FAT3: variants seen among roughly 807,000 people sequenced by gnomAD.
FAT3 encodes FAT atypical cadherin 3.
In FAT3, 95 loss-of-function variants were observed where a neutral mutation model predicts 310.2. That is an observed-to-expected ratio of 0.31 (90% CI 0.26 to 0.36). FAT3 has a LOEUF of 0.36. FAT3 is among the 10% of genes least tolerant of loss of function. The pLI, the probability that FAT3 is intolerant of heterozygous loss-of-function variation, is 1.00. For synonymous variants in FAT3, 2,314 were observed against 2,192.9 expected, an observed-to-expected ratio of 1.06 and a Z score of -1.54; for missense variants, 5,408 against 5,715.6, an observed-to-expected ratio of 0.95 and a Z score of 1.74.
At chr11:92,362,875 A>G (rs539435985) in intron 2 of FAT3, among the ~76,000 whole-genome samples, 1 of 152,342 alleles carries the variant, frequency 6.6e-6, no homozygotes, top group African/African-American at 2.4e-5. Flanking sequence ...GGTACATTTC[A>G]GTACCAACAG....
chr11:92,331,729 T>C (rs1947928718), intron 1 of FAT3, among the ~76,000 whole-genome samples: 1 of 152,226 alleles, frequency 6.6e-6, no homozygotes, highest in African/African-American at 2.4e-5. Context: ...ATTTTCTTGT[T>C]TTTTAAACGG....
intron 2 of FAT3, among the ~76,000 whole-genome samples, chr11:92,478,381 A>C (rs772549531): frequency 2.0e-5 from 3 of 152,120 alleles, no homozygotes; most frequent in Non-Finnish European, 2.9e-5. Flanking sequence ...TTTAACTTCA[A>C]CATGAAGCTT....
rs1947309531 is a variant in FAT3, at chr11:92,800,535, A to C, written c.7522A>C (p.Asn2508His). The C allele has an allele frequency of 1.2e-6, 2 of 1,613,774 alleles. No homozygotes were observed. The highest frequency in any genetic ancestry group is 1.7e-5 in the Admixed American group (1 of 60,006). ...QSTYVAEVRE[N>H]VAAGTKVIHV... ...CACATACGTAGCTGAGGTGAGAGAGAACGTGGCTGCAGGAACAAAGGTAAT... is the reference window on the plus strand; with the variant it reads ...CACATACGTAGCTGAGGTGAGAGAGCACGTGGCTGCAGGAACAAAGGTAAT... The change falls in exon 10 of 28, where the codon AAC becomes CAC. Residue 2508 changes from asparagine to histidine, a missense_variant. By Grantham distance (68) the Asn-to-His change is moderately conservative. This residue lies in a region of FAT3 where 4,588 missense variants were observed against 4,809.8 expected (regional missense o/e 0.95). Transcript: ENST00000525166.
At chr11:92,592,902 T>C (rs1939508892) in intron 3 of FAT3, among the ~76,000 whole-genome samples, 1 of 152,174 alleles carries the variant, frequency 6.6e-6, no homozygotes, top group Non-Finnish European at 1.5e-5. Context: ...CACATTGTTG[T>C]ACAATCTTCA....
chr11:92,517,569 A>G (rs536562), intron 2 of FAT3, among the ~76,000 whole-genome samples: 3 of 151,974 alleles, frequency 2.0e-5, no homozygotes, highest in Non-Finnish European at 4.4e-5. Flanking sequence ...ATGGGCAAAG[A>G]CTTCATGACT....
intron 3 of FAT3, among the ~76,000 whole-genome samples, chr11:92,616,943 C>T (rs899564911): frequency 8.5e-5 from 13 of 152,092 alleles, no homozygotes; most frequent in Admixed American, 7.9e-4. Flanking sequence ...GTGAATCTGA[C>T]AATTATGTAT....
At chr11:92,250,496 C>A (rs1865095117) in intron 1 of FAT3, among the ~76,000 whole-genome samples, 1 of 152,028 alleles carries the variant, frequency 6.6e-6, no homozygotes, top group Non-Finnish European at 1.5e-5. Context: ...GGTTGGTAGT[C>A]CAGTATTAGC....
At chr11:92,631,755 A>G (rs1470629142) in intron 3 of FAT3, among the ~76,000 whole-genome samples, 1 of 152,186 alleles carries the variant, frequency 6.6e-6, no homozygotes, top group Non-Finnish European at 1.5e-5. Flanking sequence ...TGAGGAAATT[A>G]AAACCTATAA....
chr11:92,405,636 A>G (rs1950121365), intron 2 of FAT3, among the ~76,000 whole-genome samples: 1 of 152,190 alleles, frequency 6.6e-6, no homozygotes, highest in Admixed American at 6.5e-5. Context: ...TTGTGGTCCC[A>G]GCTACTCAGG....
At chr11:92,602,726 C>G (rs868386115) in intron 3 of FAT3, among the ~76,000 whole-genome samples, 12 of 152,216 alleles carry the variant, frequency 7.9e-5, no homozygotes, top group Non-Finnish European at 1.8e-4. Flanking sequence ...TGTTGTTAAA[C>G]AGCTACTGTA....
chr11:92,569,684 A>G (rs1955602412), intron 3 of FAT3, among the ~76,000 whole-genome samples: 1 of 152,190 alleles, frequency 6.6e-6, no homozygotes, highest in Non-Finnish European at 1.5e-5. Flanking sequence ...TAACTTTGCT[A>G]TATATCCCAC....
chr11:92,518,431 C>T (rs1365712488), intron 2 of FAT3, among the ~76,000 whole-genome samples: 1 of 151,894 alleles, frequency 6.6e-6, no homozygotes, highest in South Asian at 2.1e-4. Context: ...AGACCCTGCA[C>T]GTTCTCACTC....
At chr11:92,544,090 C>G (rs1954541091) in intron 3 of FAT3, among the ~76,000 whole-genome samples, 1 of 152,122 alleles carries the variant, frequency 6.6e-6, no homozygotes. Flanking sequence ...TGTGAGATCC[C>G]TGTAGTCAGC....
chr11:92,509,058 A>G (rs987526305), intron 2 of FAT3, among the ~76,000 whole-genome samples: 1 of 152,172 alleles, frequency 6.6e-6, no homozygotes, highest in Non-Finnish European at 1.5e-5. Flanking sequence ...ATGATGTTTT[A>G]TCTTACTAAA....
chr11:92,716,558 C>T (rs1231467808), intron 4 of FAT3, among the ~76,000 whole-genome samples: 1 of 152,160 alleles, frequency 6.6e-6, no homozygotes, highest in African/African-American at 2.4e-5. Context: ...TTACTCATTT[C>T]CATAAGGTTC....
At chr11:92,254,521 A>G (rs1190498495) in intron 1 of FAT3, among the ~76,000 whole-genome samples, 2 of 152,144 alleles carry the variant, frequency 1.3e-5, no homozygotes, top group East Asian at 1.9e-4. Flanking sequence ...ACATTTTTAT[A>G]TATTAAAACT....
At chr11:92,828,638 T>C (rs1361435886) in intron 13 of FAT3, among the ~76,000 whole-genome samples, 1 of 152,118 alleles carries the variant, frequency 6.6e-6, no homozygotes, top group Non-Finnish European at 1.5e-5. Context: ...GGGGAAGGGA[T>C]GGTTTTCTGC....
chr11:92,297,681 T>C (rs1194959817), intron 1 of FAT3, among the ~76,000 whole-genome samples: 2 of 152,108 alleles, frequency 1.3e-5, no homozygotes, highest in African/African-American at 4.8e-5. Context: ...AAACATATTG[T>C]TTCTGTGTTG....
At chr11:92,492,388 C>G (rs1220076249) in intron 2 of FAT3, among the ~76,000 whole-genome samples, 1 of 151,942 alleles carries the variant, frequency 6.6e-6, no homozygotes, top group African/African-American at 2.4e-5. Context: ...ATGCTTTAAC[C>G]TCTCTAAGAT....
Sources: allele counts gnomAD v4.1 joint callset (sites outside exome capture counted in the v4.1 genomes callset), GRCh38; gene constraint gnomAD v4.1.1; regional missense constraint gnomAD v4.1.1; transcripts MANE v1.5; gene names NCBI Gene and HGNC (gene_info 2026-07-23, HGNC 2026-07-21).